NCAN: variants seen among roughly 807,000 people sequenced by gnomAD.
NCAN encodes neurocan core protein.
In NCAN, 47 loss-of-function variants were observed where a neutral mutation model predicts 121.8. The observed-to-expected ratio is 0.39, with a 90% CI of 0.31 to 0.49. NCAN has a LOEUF of 0.49. NCAN is among the 20% of genes least tolerant of loss of function. NCAN has a pLI of 0.92. For missense variants in NCAN, 1,517 were observed against 1,773.4 expected (o/e 0.86, Z 2.60); for synonymous variants, 633 against 702.0 (o/e 0.90, Z 1.55).
chr19:19,243,790 G>C (rs2060913363), intron 12 of NCAN, among the ~76,000 whole-genome samples: 1 of 152,128 alleles, frequency 6.6e-6, no homozygotes, highest in African/African-American at 2.4e-5. Context: ...CACTTTGGGA[G>C]GCCAAGGTGG....
At chr19:19,236,746 G>A (rs1309870323) in intron 10 of NCAN, among the ~76,000 whole-genome samples, 1 of 103,050 alleles carries the variant, frequency 9.7e-6, no homozygotes, top group Non-Finnish European at 2.0e-5. Context: ...TTTTTTTTTT[G>A]AAACAGGTTC....
chr19:19,222,086 G>C (rs560434543), intron 3 of NCAN, among the ~76,000 whole-genome samples: 1 of 152,046 alleles, frequency 6.6e-6, no homozygotes, highest in Non-Finnish European at 1.5e-5. Context: ...GGCTTAACCT[G>C]CATGCCCCCA....
intron 1 of NCAN, 127 bp from the exon 2 acceptor site, chr19:19,216,820 A>T (rs568817155): frequency 1.9e-4 from 96 of 504,876 alleles, no homozygotes; most frequent in African/African-American, 1.7e-3. Context: ...GACCTAGAAT[A>T]ACACACTGGT....
chr19:19,218,536 G>A (rs1289362442), intron 2 of NCAN, among the ~76,000 whole-genome samples: 1 of 151,620 alleles, frequency 6.6e-6, no homozygotes, highest in East Asian at 1.9e-4. Flanking sequence ...GCAATGGTGC[G>A]ACCTTGGCTC....
At chr19:19,223,939 A>T (rs2060825647) in intron 3 of NCAN, 82 bp from the exon 4 acceptor site, 7 of 1,363,864 alleles carry the variant, frequency 5.1e-6, no homozygotes, top group Middle Eastern at 1.9e-4. Context: ...AGGGGTGGGG[A>T]GTCATTCTGC....
intron 1 of NCAN, among the ~76,000 whole-genome samples, chr19:19,214,834 C>G (rs557034427): frequency 6.6e-6 from 1 of 151,986 alleles, no homozygotes; most frequent in Non-Finnish European, 1.5e-5. Context: ...AGGTGCAACC[C>G]GGAGTCCTGT....
At position 19,224,998 on chromosome 19, in the gene NCAN, C is replaced by A. The variant is rs1177248986; in HGVS notation, c.800C>A (p.Pro267Gln). Residue 267 changes from proline to glutamine, a missense_variant, in exon 6 of 15, where the codon CCG becomes CAG. Physicochemically the swap from Pro to Gln is moderately conservative, Grantham distance 76. Transcript: ENST00000252575. ...GCAGGCGAGGTCTTCTACGTGGGCC[C>A]GGCCCGCCGCCTGACACTGGCCGGC... ...ELGGEVFYVG[P>Q]ARRLTLAGAR... is the part of the protein sequence containing the mutation. The A allele has an allele frequency of 6.9e-7, 1 of 1,458,422 alleles. No homozygotes were observed. The highest frequency in any genetic ancestry group is 2.5e-5 in the Admixed American group (1 of 39,652). 90.3% of individuals were successfully genotyped at this position (1,458,422 alleles called of 1,614,324 possible). A position where few individuals can be genotyped will look rare whatever the true frequency, so the allele number is the denominator to read the frequency against.
In NCAN at chr19:19,232,526, C is replaced by T. The variant is rs887433601; in HGVS notation, c.3020-1263C>T. ...CACCCCAGGGACAGGCCTCAGCTACCGCAGGAGGGCCAGCTGCTACCTTCA... is the reference window on the plus strand; with the variant it reads ...CACCCCAGGGACAGGCCTCAGCTACTGCAGGAGGGCCAGCTGCTACCTTCA... On this transcript the variant is annotated intron_variant, in intron 8 of 14. Transcript: ENST00000252575. Among the ~76,000 whole-genome samples, 13 of 152,234 alleles carry T rather than the reference C, an allele frequency of 8.5e-5. 1 individual carries two copies. Among genetic ancestry groups the T allele is most frequent in the South Asian group, 6.2e-4 (3 of 4,836 alleles).
intron 11 of NCAN, 128 bp downstream of exon 11, chr19:19,238,539 T>A: frequency 8.8e-7 from 1 of 1,133,816 alleles, no homozygotes; most frequent in Non-Finnish European, 1.3e-6. Context: ...CTGTGTTCAT[T>A]AACGCAAGCC....
chr19:19,228,438 G>T lies in NCAN; in HGVS notation c.2818G>T (p.Glu940Ter). ...PGTPTAASVG[E>*]SASVSSGEPT... ...GACACCGACTGCAGCCAGTGTGGGC[G>T]AGTCTGCCTCAGTTTCCTCAGGGGA... Residue 940 changes from glutamate (E) to a stop codon, truncating the protein, a stop_gained, in exon 8 of 15, where the codon GAG (glutamate) becomes TAG (stop). Transcript: ENST00000252575. LOFTEE classifies it high-confidence loss of function. 6.2e-7 allele frequency: 1 copy of T among 1,613,660 alleles called. No homozygotes were observed. The highest frequency in any genetic ancestry group is 8.5e-7 in the Non-Finnish European group (1 of 1,180,018).
intron 11 of NCAN, among the ~76,000 whole-genome samples, chr19:19,240,325 G>A (rs2060898843): frequency 6.6e-6 from 1 of 151,730 alleles, no homozygotes; most frequent in Non-Finnish European, 1.5e-5. Flanking sequence ...TCCAGGCTGG[G>A]GAAGGGGCTG....
intron 12 of NCAN, among the ~76,000 whole-genome samples, chr19:19,241,288 G>C (rs1003582434): frequency 1.3e-5 from 2 of 151,578 alleles, no homozygotes; most frequent in Admixed American, 1.3e-4. Flanking sequence ...TATATGCCAG[G>C]CTGGTGGTCC....
chr19:19,245,520 C>G, intron 13 of NCAN, 63 bp downstream of exon 13: 1 of 1,568,126 alleles, frequency 6.4e-7, no homozygotes, highest in Non-Finnish European at 8.7e-7. Flanking sequence ...CTCTGTTGCC[C>G]AGGCTGGAGT....
intron 1 of NCAN, among the ~76,000 whole-genome samples, chr19:19,213,903 A>G (rs2146533627): frequency 6.6e-6 from 1 of 152,294 alleles, no homozygotes; most frequent in East Asian, 1.9e-4. Flanking sequence ...CCTGACTCTC[A>G]GGTCAGAAAC....
chr19:19,226,172 C>T (rs2146542475), intron 6 of NCAN, among the ~76,000 whole-genome samples: 1 of 152,194 alleles, frequency 6.6e-6, no homozygotes, highest in Admixed American at 6.5e-5. Flanking sequence ...TCAAGTGATC[C>T]ACCCACCTTG....
intron 13 of NCAN, among the ~76,000 whole-genome samples, chr19:19,247,588 G>T (rs55937418): frequency 0.028 from 4,189 of 151,788 alleles, 202 homozygotes; most frequent in African/African-American, 0.096. Context: ...ACAGGGTCTT[G>T]CTGTGTTGCC....
Position 19,250,175 on chromosome 19 carries a change from C to G in NCAN, c.*264C>G, listed in dbSNP as rs560405037. 2 of 632,346 alleles carry G rather than the reference C, an allele frequency of 3.2e-6. No homozygotes were observed. Among genetic ancestry groups the G allele is most frequent in the African/African-American group, 3.6e-5 (2 of 55,912 alleles). The allele number at this position is 632,346 out of a possible 1,614,324, so 39.2% of individuals were successfully genotyped here. On this transcript the variant is annotated 3_prime_UTR_variant, in exon 15 of 15. Coordinates refer to ENST00000252575, the MANE Select transcript of NCAN (RefSeq NM_004386.3). Reference sequence around the variant, plus strand: ...GGGAGTGTGTCCCAGCTGAGGGAAGCACAAGTAGCAAAGCTCATTGGTCTG... The same window carrying G: ...GGGAGTGTGTCCCAGCTGAGGGAAGGACAAGTAGCAAAGCTCATTGGTCTG...
intron 3 of NCAN, 53 bp downstream of exon 3, chr19:19,219,369 C>G: frequency 7.0e-7 from 1 of 1,429,870 alleles, no homozygotes; most frequent in Non-Finnish European, 9.2e-7. Context: ...AGGGCTGAGC[C>G]TGGAGCCCAC....
intron 8 of NCAN, among the ~76,000 whole-genome samples, chr19:19,229,355 A>G (rs1288251336): frequency 6.6e-6 from 1 of 152,188 alleles, no homozygotes; most frequent in Non-Finnish European, 1.5e-5. Context: ...CCCGAGTCTG[A>G]GGAAGACAGA....
Sources: allele counts gnomAD v4.1 joint callset (sites outside exome capture counted in the v4.1 genomes callset), GRCh38; gene constraint gnomAD v4.1.1; transcripts MANE v1.5; gene names NCBI Gene and HGNC (gene_info 2026-07-23, HGNC 2026-07-21).